The following MBNL3 variants were observed in gnomAD, a reference collection of about 807,000 sequenced individuals.
MBNL3 encodes the protein muscleblind-like protein 3.
In MBNL3, 6 loss-of-function variants were observed where a neutral mutation model predicts 24.5. That is an observed-to-expected ratio of 0.25 (90% CI 0.13 to 0.48). The LOEUF (loss-of-function observed/expected upper bound fraction) is 0.48. Among genes scored for constraint, MBNL3 ranks in the 20% least tolerant of loss-of-function variants. The probability of loss-of-function intolerance (pLI) is 0.99; values close to 1 mark genes in which losing one functional copy is unlikely to be tolerated. For synonymous variants in MBNL3, 100 were observed against 101.7 expected (o/e 0.98, Z 0.10); for missense variants, 230 against 293.5 (o/e 0.78, Z 1.58).
chrX:132,372,361 T>C lies in MBNL3; in HGVS notation c.*7305A>G, dbSNP rs1167389710. 1 of 110,133 alleles carries C rather than the reference T, an allele frequency of 9.1e-6. No homozygotes were observed. The highest frequency in any genetic ancestry group is 3.7e-4 in the South Asian group (1 of 2,704). 9.1% of individuals were successfully genotyped at this position (110,133 alleles called of 1,213,427 possible). On this transcript the variant is annotated 3_prime_UTR_variant, in exon 9 of 9. Transcript: ENST00000370853. The stretch of plus-strand genomic sequence containing the variant: ...ACAAAGTTAGTCCTTTAAAAAAGAA[T>C]ATATTTAGGAAAATCCTTCAAAAGT...
intron 1 of MBNL3, among the ~76,000 whole-genome samples, chrX:132,486,369 T>A (rs1264425112): frequency 8.9e-6 from 1 of 111,884 alleles, no homozygotes; most frequent in African/African-American, 3.3e-5. Context: ...TGTTCCAGCA[T>A]GTGTGGTACT....
intron 3 of MBNL3, among the ~76,000 whole-genome samples, chrX:132,402,211 G>A (rs1007046334): frequency 1.8e-5 from 2 of 112,099 alleles, no homozygotes; most frequent in African/African-American, 6.5e-5. Flanking sequence ...GTTCACCTGT[G>A]TGTCAGGATC....
chrX:132,409,728 G>C (rs1415596677), intron 2 of MBNL3, among the ~76,000 whole-genome samples: 1 of 111,049 alleles, frequency 9.0e-6, no homozygotes, highest in Non-Finnish European at 1.9e-5. Flanking sequence ...CAGCAGCTAA[G>C]GGGAGTCAAG....
intron 1 of MBNL3, among the ~76,000 whole-genome samples, chrX:132,486,434 G>A (rs1289207996): frequency 9.0e-6 from 1 of 111,544 alleles, no homozygotes; most frequent in Non-Finnish European, 1.9e-5. Flanking sequence ...TGTGATACTG[G>A]GAAGTATCAC....
chrX:132,412,959 G>A (rs1241531473), intron 2 of MBNL3, among the ~76,000 whole-genome samples: 1 of 112,334 alleles, frequency 8.9e-6, no homozygotes, highest in Non-Finnish European at 1.9e-5. Flanking sequence ...GCTGATAGCT[G>A]CCAACATAAA....
At chrX:132,480,892 G>A (rs1197141558) in intron 1 of MBNL3, among the ~76,000 whole-genome samples, 1 of 111,703 alleles carries the variant, frequency 9.0e-6, no homozygotes, top group African/African-American at 3.3e-5. Context: ...TGCACGTGTG[G>A]TGGGGGAGGG....
At chrX:132,431,662 T>C (rs1351491251) in intron 2 of MBNL3, 2 of 111,829 alleles carry the variant, frequency 1.8e-5, no homozygotes, top group Admixed American at 1.9e-4. Context: ...GTACTAAGTA[T>C]ACTCGTTGCT....
intron 3 of MBNL3, among the ~76,000 whole-genome samples, chrX:132,398,558 T>A (rs1054559467): frequency 2.7e-5 from 3 of 111,963 alleles, no homozygotes; most frequent in Non-Finnish European, 5.6e-5. Flanking sequence ...TTGTATACAT[T>A]GAACATGTGC....
chrX:132,429,983 C>T (rs1199421396), intron 2 of MBNL3: 4 of 111,346 alleles, frequency 3.6e-5, no homozygotes, highest in Non-Finnish European at 3.8e-5. Flanking sequence ...CAAAATTCTT[C>T]GTTTGCTAGG....
intron 2 of MBNL3, among the ~76,000 whole-genome samples, chrX:132,423,682 A>T (rs1284241691): frequency 8.9e-6 from 1 of 111,887 alleles, no homozygotes; most frequent in Non-Finnish European, 1.9e-5. Context: ...TCCTAATGAA[A>T]AAAAGTAAAC....
intron 1 of MBNL3, among the ~76,000 whole-genome samples, chrX:132,482,490 G>A (rs975343150): frequency 4.5e-5 from 5 of 111,040 alleles, no homozygotes; most frequent in African/African-American, 1.6e-4. Context: ...ATGGCGAGCG[G>A]GACCTACCCT....
At chrX:132,448,597 A>T (rs749285921) in intron 1 of MBNL3, among the ~76,000 whole-genome samples, 7 of 110,474 alleles carry the variant, frequency 6.3e-5, no homozygotes, top group African/African-American at 2.3e-4. Flanking sequence ...CAGCTCCTAG[A>T]TTCATTGATT....
chrX:132,470,117 A>T, intron 1 of MBNL3, among the ~76,000 whole-genome samples: 1 of 111,867 alleles, frequency 8.9e-6, no homozygotes, highest in Non-Finnish European at 1.9e-5. Context: ...TAGTTGACAG[A>T]CATTTGGGCT....
At chrX:132,418,727 G>C (rs1424644879) in intron 2 of MBNL3, among the ~76,000 whole-genome samples, 1 of 112,368 alleles carries the variant, frequency 8.9e-6, no homozygotes, top group Non-Finnish European at 1.9e-5. Context: ...CAAGGCAATT[G>C]AATGTGTCAA....
rs1934203579 is a variant in MBNL3, at chrX:132,376,937, G to A, written c.*2729C>T. On this transcript the variant is annotated 3_prime_UTR_variant, in exon 9 of 9. Coordinates refer to ENST00000370853, the MANE Select transcript of MBNL3 (RefSeq NM_001386889.1). ...AGAAAATTGTGGCACCAAAAATACA[G>A]TGGCCCTAAATACCCCTCACGGAAC... is the stretch of plus-strand genomic sequence containing the variant. The A allele has an allele frequency of 9.0e-6, 1 of 111,368 alleles. No homozygotes were observed. Among genetic ancestry groups the A allele is most frequent in the African/African-American group, 3.3e-5 (1 of 30,664 alleles). The allele number at this position is 111,368 out of a possible 1,213,427, so 9.2% of individuals were successfully genotyped here.
chrX:132,381,418 T>C (rs1467695643), intron 8 of MBNL3: 1 of 1,161,618 alleles, frequency 8.6e-7, no homozygotes, highest in Non-Finnish European at 1.2e-6. Context: ...GTTCATCTAT[T>C]GATAATTGGG....
rs60044820 is a variant in MBNL3, at chrX:132,408,092, C to CTTTTTTTTTTTTTTT, written c.178-1715_178-1701dup. Among the ~76,000 whole-genome samples, 7 of 22,572 alleles carry CTTTTTTTTTTTTTTT rather than the reference C, an allele frequency of 3.1e-4. 1 individual carries two copies. Among genetic ancestry groups the CTTTTTTTTTTTTTTT allele is most frequent in the Admixed American group, 8.3e-4 (1 of 1,207 alleles). The allele number at this position is 22,572 out of a possible 115,157, so 19.6% of individuals were successfully genotyped here. On this transcript the variant is annotated intron_variant, in intron 2 of 8. Transcript: ENST00000370853. ...CCTGACCTCTCTTCTGAATTTCAGT[C>CTTTTTTTTTTTTTTT]TTTTTTTTTTTTTTTTTTTTTTTTT... is the stretch of plus-strand genomic sequence containing the variant.
At chrX:132,418,893 C>T (rs758119024) in intron 2 of MBNL3, among the ~76,000 whole-genome samples, 3 of 112,272 alleles carry the variant, frequency 2.7e-5, no homozygotes, top group Admixed American at 1.9e-4. Context: ...CCCACCTCAG[C>T]GTCCCGAGTA....
At chrX:132,480,675 T>A (rs1422581118) in intron 1 of MBNL3, among the ~76,000 whole-genome samples, 1 of 111,979 alleles carries the variant, frequency 8.9e-6, no homozygotes, top group Non-Finnish European at 1.9e-5. Context: ...AAGGGCAGAA[T>A]GTGGTTTCAC....
Sources: allele counts gnomAD v4.1 joint callset (sites outside exome capture counted in the v4.1 genomes callset), GRCh38; gene constraint gnomAD v4.1.1; transcripts MANE v1.5; gene names NCBI Gene and HGNC (gene_info 2026-07-23, HGNC 2026-07-21).